Variants in PPP1R12C observed in about 807,000 individuals in gnomAD.
PPP1R12C encodes protein phosphatase 1 regulatory subunit 12C.
PPP1R12C carries 48 observed loss-of-function variants against 95.6 expected under a neutral mutation model. The observed-to-expected ratio is 0.50, with a 90% CI of 0.40 to 0.64. The LOEUF (loss-of-function observed/expected upper bound fraction) is 0.64. Among genes scored for constraint, PPP1R12C ranks in the 30% least tolerant of loss-of-function variants. The pLI is 0.00. For missense variants in PPP1R12C, 1,057 were observed against 1,083.3 expected (o/e 0.98, Z 0.34); for synonymous variants, 480 against 460.8 (o/e 1.04, Z -0.53).
At chr19:55,096,435 G>T in intron 6 of PPP1R12C, 100 bp from the exon 7 acceptor site, 1 of 1,381,990 alleles carries the variant, frequency 7.2e-7, no homozygotes, top group Admixed American at 1.7e-5. Context: ...GCCCAGGCGG[G>T]CACCGAGGGC....
At chr19:55,097,942 C>T (rs983845286) in intron 6 of PPP1R12C, among the ~76,000 whole-genome samples, 5 of 152,172 alleles carry the variant, frequency 3.3e-5, no homozygotes, top group South Asian at 2.1e-4. Flanking sequence ...CCCTGCCTTA[C>T]GCTCCCCTCC....
rs1200948754 is a variant in PPP1R12C at position 55,112,785 on chromosome 19, T to A, written c.332A>T (p.Asp111Val). The change falls in exon 2 of 22, where the codon GAT (aspartate) becomes GTT (valine). Residue 111 changes from aspartate to valine, a missense_variant. Physicochemically the swap from Asp to Val is radical, Grantham distance 152. This residue lies in a region of PPP1R12C where 282 missense variants were observed against 380.4 expected (regional missense o/e 0.74). Transcript: ENST00000263433. ...GISALHQACI[D>V]ENLEVVRFLV... ...GAAGCGCACCACCTCCAGGTTCTCA[T>A]CAATGCAGGCCTGGGGGTGGGAAAC... is the stretch of plus-strand genomic sequence containing the variant. The A allele has an allele frequency of 6.2e-7, 1 of 1,612,546 alleles. No homozygotes were observed. Among genetic ancestry groups the A allele is most frequent in the Non-Finnish European group, 8.5e-7 (1 of 1,179,870 alleles).
chr19:55,106,809 T>C (rs1257944462), intron 3 of PPP1R12C, among the ~76,000 whole-genome samples: 1 of 152,176 alleles, frequency 6.6e-6, no homozygotes, highest in Non-Finnish European at 1.5e-5. Flanking sequence ...ATAGCCTGGC[T>C]CCAGGGTGCG....
rs1258025195 is a variant in PPP1R12C, at chr19:55,091,296, C to T, written c.*176G>A. The stretch of plus-strand genomic sequence containing the variant: ...CGGCCTCCCACCTCCATCCTGGCCT[C>T]GGGTGGCCCCCTCGGCTCCTGGGGA... On this transcript the variant is annotated 3_prime_UTR_variant, in exon 22 of 22. Transcript: ENST00000263433. The T allele has an allele frequency of 3.9e-5, 26 of 674,246 alleles. No homozygotes were observed. Among genetic ancestry groups the T allele is most frequent in the Middle Eastern group, 7.9e-4 (2 of 2,540 alleles). 41.8% of individuals were successfully genotyped at this position (674,246 alleles called of 1,614,324 possible).
intron 3 of PPP1R12C, among the ~76,000 whole-genome samples, chr19:55,107,141 C>T (rs1430592412): frequency 1.3e-5 from 2 of 151,992 alleles, no homozygotes; most frequent in Admixed American, 6.6e-5. Context: ...TGACCAGGCA[C>T]GGTGACTCAC....
intron 3 of PPP1R12C, among the ~76,000 whole-genome samples, chr19:55,108,082 T>C (rs2085057967): frequency 6.6e-6 from 1 of 151,606 alleles, no homozygotes; most frequent in Non-Finnish European, 1.5e-5. Context: ...ACTATAGGTG[T>C]ACATCGCTAT....
intron 6 of PPP1R12C, among the ~76,000 whole-genome samples, chr19:55,097,419 C>CCG (rs1568809576): frequency 1.5e-5 from 2 of 134,830 alleles, no homozygotes; most frequent in African/African-American, 2.8e-5. Context: ...CACCCCTTCC[C>CCG]CGCAGTTCAC....
At chr19:55,097,126 A>T (rs1457502960) in intron 6 of PPP1R12C, 1 of 83,824 alleles carries the variant, frequency 1.2e-5, no homozygotes, top group Non-Finnish European at 2.2e-5. Flanking sequence ...CACCGTCTTC[A>T]CCCCTTCCCC....
Position 55,112,516 on chromosome 19 carries a change from G to A in PPP1R12C, c.522C>T (p.Ala174=), listed in dbSNP as rs1177312157. 2.5e-6 allele frequency: 4 copies of A among 1,613,324 alleles called. No individual in the cohort carries two copies. The highest frequency in any genetic ancestry group is 1.7e-5 in the Admixed American group (1 of 59,992). The stretch of plus-strand genomic sequence containing the variant: ...GCAGCCCCTCCATGGCGTCCGACTC[G>A]GCCAGGTCCAGGGGCAGGTCCCCGT... The part of the protein sequence containing the change: ...NSDGDLPLDL[A]ESDAMEGLLK... Residue 174 remains alanine (A), a synonymous_variant, in exon 3 of 22, where the codon GCC becomes GCT. Transcript: ENST00000263433.
chr19:55,094,649 T>C lies in PPP1R12C; in HGVS notation c.1592+12A>G, dbSNP rs779500948. The C allele has an allele frequency of 6.3e-7, 1 of 1,576,810 alleles. No individual in the cohort carries two copies. Among genetic ancestry groups the C allele is most frequent in the Non-Finnish European group, 8.6e-7 (1 of 1,166,906 alleles). ...GGGCGGGGGCGGCAGCTTCCTGCCC[T>C]GGCCTCTTCACCTCCGTCGGTCCCG... On this transcript the variant is annotated intron_variant, in intron 12 of 21. Transcript: ENST00000263433.
chr19:55,094,582 A>G, intron 12 of PPP1R12C, 79 bp downstream of exon 12: 1 of 1,528,202 alleles, frequency 6.5e-7, no homozygotes, highest in Non-Finnish European at 8.8e-7. Context: ...GAGCCCACCC[A>G]AAGCCCCGGG....
intron 3 of PPP1R12C, among the ~76,000 whole-genome samples, chr19:55,107,740 G>A (rs1275258947): frequency 2.0e-5 from 3 of 151,610 alleles, no homozygotes; most frequent in African/African-American, 7.3e-5. Context: ...TATACCTAAT[G>A]TAAATGACGA....
intron 6 of PPP1R12C, among the ~76,000 whole-genome samples, chr19:55,098,192 C>A (rs890389538): frequency 3.9e-5 from 6 of 152,226 alleles, no homozygotes; most frequent in African/African-American, 1.4e-4. Flanking sequence ...GAGCTCCTGA[C>A]AGCACAATCC....
At chr19:55,107,347 G>C (rs1450506915) in intron 3 of PPP1R12C, among the ~76,000 whole-genome samples, 1 of 152,132 alleles carries the variant, frequency 6.6e-6, no homozygotes, top group East Asian at 1.9e-4. Flanking sequence ...CCGGGAGGCA[G>C]AGGTTGCAGT....
chr19:55,113,316 G>T, intron 1 of PPP1R12C: 2 of 1,087,490 alleles, frequency 1.8e-6, no homozygotes, highest in Non-Finnish European at 2.5e-6. Flanking sequence ...TATGCAGGGT[G>T]GAGGAAGGCC....
chr19:55,105,021 C>T (rs984498582), intron 3 of PPP1R12C, among the ~76,000 whole-genome samples: 2 of 151,006 alleles, frequency 1.3e-5, no homozygotes, highest in Non-Finnish European at 2.9e-5. Flanking sequence ...CCACCCGCCT[C>T]GGCCTCCCAA....
chr19:55,113,516 G>A (rs2085120699), intron 1 of PPP1R12C: 3 of 1,396,994 alleles, frequency 2.1e-6, no homozygotes, highest in South Asian at 1.5e-5. Flanking sequence ...CCAAAACTTG[G>A]GGGGACAAAA....
chr19:55,095,782 G>GC, intron 9 of PPP1R12C, 85 bp downstream of exon 9: 1 of 1,544,902 alleles, frequency 6.5e-7, no homozygotes, highest in Non-Finnish European at 8.9e-7. Flanking sequence ...CCCCCTATCT[G>GC]CCCCTGCCAG....
chr19:55,092,927 TCCCCGGGTCAAG>T (rs2084863997), intron 15 of PPP1R12C, 59 bp from the exon 16 acceptor site: 2 of 1,584,148 alleles, frequency 1.3e-6, no homozygotes, highest in African/African-American at 2.7e-5. Context: ...GGTGCCTGGG[TCCCCGGGTCAAG>T]CCCCCAGGAA....
Sources: gnomAD v4.1 joint callset for allele counts (sites outside exome capture counted in the v4.1 genomes callset) on GRCh38, gnomAD v4.1.1 for gene constraint, gnomAD v4.1.1 regional missense constraint, MANE v1.5 for transcripts, NCBI Gene and HGNC (gene_info 2026-07-23, HGNC 2026-07-21) for gene names.